Variants in PGBD5 observed in about 807,000 individuals in gnomAD.
The protein encoded by PGBD5 is piggyBac transposable element-derived protein 5.
A neutral mutation model predicts 47.9 loss-of-function variants in PGBD5; 14 were observed. The observed-to-expected ratio is 0.29, with a 90% confidence interval of 0.19 to 0.46. PGBD5 has a LOEUF of 0.46. PGBD5 is among the 20% of genes least tolerant of loss of function. The pLI, the probability that PGBD5 is intolerant of heterozygous loss-of-function variation, is 1.00. For missense variants in PGBD5, 635 were observed against 716.0 expected, an observed-to-expected ratio of 0.89 and a Z score of 1.29; for synonymous variants, 316 against 306.3, an observed-to-expected ratio of 1.03 and a Z score of -0.33.
chr1:230,410,284 A>T (rs1364433664), intron 1 of PGBD5, among the ~76,000 whole-genome samples: 1 of 152,236 alleles, frequency 6.6e-6, no homozygotes, highest in African/African-American at 2.4e-5. Flanking sequence ...CATGACAAAA[A>T]GTTATTTCTC....
chr1:230,342,765 G>A (rs1667426482), intron 3 of PGBD5, among the ~76,000 whole-genome samples: 2 of 152,206 alleles, frequency 1.3e-5, no homozygotes, highest in Non-Finnish European at 2.9e-5. Context: ...GTCTTTAAGT[G>A]AAAATTGTGC....
intron 1 of PGBD5, among the ~76,000 whole-genome samples, chr1:230,373,846 A>G (rs189617298): frequency 1.8e-4 from 28 of 152,046 alleles, no homozygotes; most frequent in Admixed American, 3.3e-4. Context: ...GATGCACACC[A>G]CCACACCCGG....
At chr1:230,331,323 G>A (rs1010759532) in intron 5 of PGBD5, among the ~76,000 whole-genome samples, 6 of 152,112 alleles carry the variant, frequency 3.9e-5, no homozygotes, top group African/African-American at 1.4e-4. Context: ...GGCTGAGGTG[G>A]GAGATTTGTT....
intron 1 of PGBD5, among the ~76,000 whole-genome samples, chr1:230,405,331 T>TC (rs1327400004): frequency 1.3e-5 from 2 of 152,016 alleles, no homozygotes; most frequent in African/African-American, 2.4e-5. Context: ...GCAAGACCAA[T>TC]CCCTCCTCAT....
intron 1 of PGBD5, among the ~76,000 whole-genome samples, chr1:230,365,484 G>A (rs1667813086): frequency 6.6e-6 from 1 of 152,070 alleles, no homozygotes; most frequent in African/African-American, 2.4e-5. Context: ...TATCATACAA[G>A]GCACCCGTAC....
chr1:230,339,031 A>G (rs1374162421), intron 3 of PGBD5, among the ~76,000 whole-genome samples: 1 of 152,200 alleles, frequency 6.6e-6, no homozygotes, highest in Non-Finnish European at 1.5e-5. Flanking sequence ...TTACTGTTTG[A>G]GCGAATAACG....
In PGBD5 at chr1:230,357,056, G is replaced by A. The variant is rs763962591; in HGVS notation, c.597C>T (p.Leu199=). The part of the protein sequence containing the change: ...WSGGFYSNRS[L]ALVMSQARFE... ...AGCGGGCCTGGCTCATGACGAGGGCGAGGCTGCGGTTGCTGTAGAAGCCTC... is the reference window on the plus strand; with the variant it reads ...AGCGGGCCTGGCTCATGACGAGGGCAAGGCTGCGGTTGCTGTAGAAGCCTC... Residue 199 remains leucine, a synonymous_variant, in exon 2 of 7, where the codon CTC becomes CTT. Coordinates refer to ENST00000391860, the MANE Select transcript of PGBD5 (RefSeq NM_001258311.2). The surrounding 1 kb of genome is among the most constrained non-coding windows in gnomAD (Gnocchi z 5.7). 3.1e-5 allele frequency: 50 copies of A among 1,614,070 alleles called. No homozygotes were observed. The highest frequency in any genetic ancestry group is 1.1e-4 in the East Asian group (5 of 44,890).
rs1338645691 is a variant in PGBD5 at position 230,316,156 on chromosome 1, A to G, written c.*7269T>C. 1 of 146,988 alleles carries G rather than the reference A, an allele frequency of 6.8e-6. No individual in the cohort carries two copies. The highest frequency in any genetic ancestry group is 2.6e-5 in the African/African-American group (1 of 38,540). 9.1% of individuals were successfully genotyped at this position (146,988 alleles called of 1,614,324 possible). A position where few individuals can be genotyped will look rare whatever the true frequency, so the allele number is the denominator to read the frequency against. On this transcript the variant is annotated 3_prime_UTR_variant, in exon 7 of 7. Coordinates refer to ENST00000391860, the MANE Select transcript of PGBD5 (RefSeq NM_001258311.2). Reference sequence around the variant, plus strand: ...TACATATGTATATGTGTACACATATATGTATGTGTATACATACATACGTAC... The same window carrying G: ...TACATATGTATATGTGTACACATATGTGTATGTGTATACATACATACGTAC...
Position 230,338,896 on chromosome 1 carries a change from G to C in PGBD5, c.895-1608C>G, listed in dbSNP as rs114369146. Among the ~76,000 whole-genome samples, 721 of 152,326 alleles carry C rather than the reference G, an allele frequency of 4.7e-3. 6 individuals carry two copies. Among genetic ancestry groups the C allele is most frequent in the African/African-American group, 0.016 (675 of 41,576 alleles). On this transcript the variant is annotated intron_variant, in intron 3 of 6. Transcript: ENST00000391860. The stretch of plus-strand genomic sequence containing the variant: ...TCCCTCTTGTGCTTTCTGTCAGGAA[G>C]AGCCCGGTTCCTTTTCTAGGGCTTT...
chr1:230,331,479 T>G (rs527640933), intron 5 of PGBD5, among the ~76,000 whole-genome samples: 3 of 152,076 alleles, frequency 2.0e-5, no homozygotes, highest in Non-Finnish European at 4.4e-5. Context: ...CTCTCAAACA[T>G]GTTCCCTGGA....
intron 1 of PGBD5, among the ~76,000 whole-genome samples, chr1:230,417,934 T>C (rs192254315): frequency 2.0e-5 from 3 of 152,294 alleles, no homozygotes; most frequent in Non-Finnish European, 4.4e-5. Flanking sequence ...CTTCCTAAAG[T>C]AGTGGTTCTC....
chr1:230,395,359 A>C (rs1052956748), intron 1 of PGBD5, among the ~76,000 whole-genome samples: 48 of 7,250 alleles, frequency 6.6e-3, no homozygotes, highest in South Asian at 0.011. Flanking sequence ...CACTCCCAAC[A>C]CCCTCCCCTC....
At chr1:230,397,631 G>C (rs1480230870) in intron 1 of PGBD5, among the ~76,000 whole-genome samples, 7 of 152,076 alleles carry the variant, frequency 4.6e-5, no homozygotes, top group Admixed American at 6.5e-5. Flanking sequence ...AATAGCTCTG[G>C]GATATTTTTC....
chr1:230,339,425 G>T (rs1009740745), intron 3 of PGBD5, among the ~76,000 whole-genome samples: 3 of 152,144 alleles, frequency 2.0e-5, no homozygotes. Context: ...CTTAAAGTAT[G>T]GCTGTTACGG....
intron 3 of PGBD5, among the ~76,000 whole-genome samples, chr1:230,346,133 C>T (rs1667470174): frequency 6.6e-6 from 1 of 152,130 alleles, no homozygotes; most frequent in Admixed American, 6.5e-5. Flanking sequence ...CCTTGATCTC[C>T]CAGGCTCAAG....
At chr1:230,363,137 G>A (rs919964300) in intron 1 of PGBD5, among the ~76,000 whole-genome samples, 18 of 152,192 alleles carry the variant, frequency 1.2e-4, no homozygotes, top group African/African-American at 4.3e-4. Context: ...AAGATCACAT[G>A]ACCTCGCACA....
At chr1:230,365,540 G>A (rs1667814716) in intron 1 of PGBD5, among the ~76,000 whole-genome samples, 1 of 152,178 alleles carries the variant, frequency 6.6e-6, no homozygotes, top group South Asian at 2.1e-4. Context: ...TTTCATTTCT[G>A]TGTGATGGCC....
intron 1 of PGBD5, among the ~76,000 whole-genome samples, chr1:230,364,990 A>C (rs1667804969): frequency 6.9e-6 from 1 of 145,468 alleles, no homozygotes. Flanking sequence ...ACTGTACTCC[A>C]GCCTGGGCGA....
chr1:230,350,689 C>T (rs1667546950), intron 3 of PGBD5, among the ~76,000 whole-genome samples: 1 of 152,170 alleles, frequency 6.6e-6, no homozygotes, highest in South Asian at 2.1e-4. Flanking sequence ...CTTGATGAGT[C>T]ATTTACCCAG....
Sources: allele counts gnomAD v4.1 joint callset (sites outside exome capture counted in the v4.1 genomes callset), GRCh38; gene constraint gnomAD v4.1.1; non-coding constraint Gnocchi (gnomAD v3.1); transcripts MANE v1.5; gene names NCBI Gene and HGNC (gene_info 2026-07-23, HGNC 2026-07-21).